RBMS3: variants seen among roughly 807,000 people sequenced by gnomAD.
RBMS3 encodes the protein RNA binding motif single stranded interacting protein 3.
In RBMS3, 27 loss-of-function variants were observed where a neutral mutation model predicts 66.8. That is an observed-to-expected ratio of 0.40 (90% confidence interval 0.30 to 0.56). The LOEUF is 0.56. RBMS3 is among the 20% of genes least tolerant of loss of function. The probability of loss-of-function intolerance (pLI) is 0.40; values close to 1 mark genes in which losing one functional copy is unlikely to be tolerated. For missense variants in RBMS3, 513 were observed against 549.5 expected (o/e 0.93, Z 0.66); for synonymous variants, 188 against 183.0 (o/e 1.03, Z -0.22).
intron 4 of RBMS3, among the ~76,000 whole-genome samples, chr3:29,641,607 C>G (rs2049716453): frequency 6.6e-6 from 1 of 152,002 alleles, no homozygotes; most frequent in South Asian, 2.1e-4. Flanking sequence ...ATGGCAATGA[C>G]TTTTAATTTT....
chr3:29,864,551 A>G (rs555048108), intron 6 of RBMS3, among the ~76,000 whole-genome samples: 2 of 152,256 alleles, frequency 1.3e-5, no homozygotes, highest in South Asian at 4.1e-4. Context: ...CTATGGAGTT[A>G]AAATGGAACA....
intron 1 of RBMS3, among the ~76,000 whole-genome samples, chr3:29,422,980 A>G (rs1427090694): frequency 6.6e-6 from 1 of 152,212 alleles, no homozygotes; most frequent in Non-Finnish European, 1.5e-5. Flanking sequence ...CAACAAAACT[A>G]TTTTATGTCA....
At chr3:29,393,647 C>T (rs559916000) in intron 1 of RBMS3, among the ~76,000 whole-genome samples, 1 of 151,306 alleles carries the variant, frequency 6.6e-6, no homozygotes, top group East Asian at 2.0e-4. Flanking sequence ...GGGAAACAGC[C>T]CCCAGTATTT....
At chr3:29,423,917 T>C (rs2040844497) in intron 1 of RBMS3, among the ~76,000 whole-genome samples, 1 of 152,122 alleles carries the variant, frequency 6.6e-6, no homozygotes, top group African/African-American at 2.4e-5. Context: ...CTGAACAACC[T>C]TGAAAAGTCG....
At chr3:29,899,572 T>C (rs937031339) in intron 9 of RBMS3, 133 bp from the exon 10 acceptor site, 3 of 663,900 alleles carry the variant, frequency 4.5e-6, no homozygotes, top group Non-Finnish European at 2.5e-6. Context: ...TTTTTACCCT[T>C]GGTTTTGAGC....
intron 6 of RBMS3, among the ~76,000 whole-genome samples, chr3:29,786,113 A>AAAAT (rs35219640): frequency 2.7e-5 from 4 of 149,636 alleles, no homozygotes; most frequent in Non-Finnish European, 5.9e-5. Context: ...AAAAAAAAAA[A>AAAAT]ACTTAGAAAT....
At chr3:29,582,909 A>T (rs2047381954) in intron 3 of RBMS3, among the ~76,000 whole-genome samples, 1 of 152,154 alleles carries the variant, frequency 6.6e-6, no homozygotes, top group Non-Finnish European at 1.5e-5. Context: ...AGACATTTTT[A>T]CATAAACTTC....
intron 2 of RBMS3, among the ~76,000 whole-genome samples, chr3:29,444,238 T>C: frequency 6.6e-6 from 1 of 152,086 alleles, no homozygotes; most frequent in East Asian, 1.9e-4. Flanking sequence ...TACTTCATAT[T>C]ACATATGTTA....
rs537114900 is a variant in RBMS3, at chr3:29,622,352, A to C, written c.399+35147A>C. On this transcript the variant is annotated intron_variant, in intron 4 of 14. Coordinates refer to ENST00000383767, the MANE Select transcript of RBMS3 (RefSeq NM_001003793.3). The stretch of plus-strand genomic sequence containing the variant: ...GTGATGTGATATTCCTGGAAGATCT[A>C]TGTGTATTACCAGAATACAGATTGG... 3.3e-5 allele frequency among the ~76,000 whole-genome samples: 5 copies of C among 152,374 alleles called. No individual in the cohort carries two copies. The East Asian group carries it at 9.6e-4, about 29-fold the overall frequency.
In RBMS3 at chr3:29,589,404, T is replaced by C. The variant is rs894365039; in HGVS notation, c.399+2199T>C. ...CACTGTACAAAAAATGAGATTCCAATTGGAATGTTTAAAGTCACTTTTATT... is the reference window on the plus strand; with the variant it reads ...CACTGTACAAAAAATGAGATTCCAACTGGAATGTTTAAAGTCACTTTTATT... On this transcript the variant is annotated intron_variant, in intron 4 of 14. Transcript: ENST00000383767. 3.9e-5 allele frequency among the ~76,000 whole-genome samples: 6 copies of C among 152,116 alleles called. No individual in the cohort carries two copies. The East Asian group carries it at 9.6e-4, about 24-fold the overall frequency.
At chr3:29,724,387 C>G (rs2053769179) in intron 4 of RBMS3, among the ~76,000 whole-genome samples, 1 of 152,084 alleles carries the variant, frequency 6.6e-6, no homozygotes, top group African/African-American at 2.4e-5. Context: ...ATTCCTGAAA[C>G]TCTGCTAAAT....
At chr3:29,711,699 T>G (rs751153262) in intron 4 of RBMS3, among the ~76,000 whole-genome samples, 1 of 152,186 alleles carries the variant, frequency 6.6e-6, no homozygotes, top group Non-Finnish European at 1.5e-5. Flanking sequence ...TTTCTTCCCA[T>G]GGCTCCATAC....
intron 7 of RBMS3, among the ~76,000 whole-genome samples, chr3:29,882,364 C>T (rs1051049592): frequency 6.6e-6 from 1 of 152,116 alleles, no homozygotes; most frequent in Non-Finnish European, 1.5e-5. Flanking sequence ...ATTCTATTCT[C>T]ATTTCTCAGT....
intron 4 of RBMS3, chr3:29,696,939 G>GGTT: frequency 1.0e-6 from 1 of 981,916 alleles, no homozygotes; most frequent in Non-Finnish European, 1.2e-6. Flanking sequence ...GGTCGTTTGG[G>GGTT]TTTTTTTTAA....
chr3:29,481,675 G>C (rs1160684193), intron 2 of RBMS3, among the ~76,000 whole-genome samples: 5 of 152,186 alleles, frequency 3.3e-5, no homozygotes, highest in Non-Finnish European at 7.3e-5. Flanking sequence ...GACTGAGTGA[G>C]TGAAGAAGAA....
At chr3:29,918,738 C>T (rs2060698886) in intron 10 of RBMS3, among the ~76,000 whole-genome samples, 1 of 152,050 alleles carries the variant, frequency 6.6e-6, no homozygotes, top group Non-Finnish European at 1.5e-5. Context: ...ACATTCTTTT[C>T]AATTTCTACA....
chr3:29,534,071 CT>C (rs2148998218), intron 3 of RBMS3, among the ~76,000 whole-genome samples: 1 of 152,292 alleles, frequency 6.6e-6, no homozygotes, highest in East Asian at 1.9e-4. Flanking sequence ...GATGTCTGTC[CT>C]TGTAACTTCA....
chr3:29,994,390 C>G (rs924062462), intron 14 of RBMS3, among the ~76,000 whole-genome samples: 1 of 152,260 alleles, frequency 6.6e-6, no homozygotes, highest in Non-Finnish European at 1.5e-5. Context: ...ATTAGGTAAA[C>G]AAAGCATCCC....
chr3:29,332,535 G>T (rs2035723634), intron 1 of RBMS3, among the ~76,000 whole-genome samples: 1 of 152,128 alleles, frequency 6.6e-6, no homozygotes, highest in Non-Finnish European at 1.5e-5. Context: ...AAGACAGCTT[G>T]CCTGGGCATG....
Sources: gnomAD v4.1 joint callset for allele counts (sites outside exome capture counted in the v4.1 genomes callset) on GRCh38, gnomAD v4.1.1 for gene constraint, MANE v1.5 for transcripts, NCBI Gene and HGNC (gene_info 2026-07-23, HGNC 2026-07-21) for gene names.